FSTL5: variants seen among roughly 807,000 people sequenced by gnomAD.
FSTL5 encodes follistatin-related protein 5.
Under a neutral mutation model 89.1 loss-of-function variants are expected in FSTL5, and 62 were observed. That is an observed-to-expected ratio of 0.70 (90% CI 0.57 to 0.86). FSTL5 has a LOEUF of 0.86. Ranked by LOEUF, FSTL5 falls within the 40% of genes least tolerant of loss-of-function variation. The pLI is 0.00. For synonymous variants in FSTL5, 383 were observed against 346.2 expected, an observed-to-expected ratio of 1.11 and a Z score of -1.18; for missense variants, 1,057 against 1,001.6, an observed-to-expected ratio of 1.06 and a Z score of -0.75.
intron 2 of FSTL5, among the ~76,000 whole-genome samples, chr4:162,050,182 G>A (rs972839109): frequency 1.3e-5 from 2 of 151,614 alleles, no homozygotes; most frequent in African/African-American, 4.8e-5. Flanking sequence ...GAATTGAAAG[G>A]TTTTTTAAAA....
At chr4:161,635,624 G>C (rs1735661065) in intron 7 of FSTL5, among the ~76,000 whole-genome samples, 1 of 152,176 alleles carries the variant, frequency 6.6e-6, no homozygotes, top group South Asian at 2.1e-4. Context: ...ATCCATTCAA[G>C]TTAACTCATT....
intron 4 of FSTL5, among the ~76,000 whole-genome samples, chr4:161,834,818 A>G (rs1426831969): frequency 6.6e-6 from 1 of 152,134 alleles, no homozygotes; most frequent in African/African-American, 2.4e-5. Flanking sequence ...AAACAAATGG[A>G]AGAACATTCC....
intron 2 of FSTL5, 52 bp downstream of exon 2, chr4:162,111,219 C>A: frequency 7.1e-7 from 1 of 1,408,628 alleles, no homozygotes; most frequent in East Asian, 2.5e-5. Context: ...AAACTAATAG[C>A]TTAGTTTATA....
intron 12 of FSTL5, among the ~76,000 whole-genome samples, chr4:161,492,886 AAG>A (rs1729933513): frequency 6.6e-6 from 1 of 152,024 alleles, no homozygotes; most frequent in Non-Finnish European, 1.5e-5. Flanking sequence ...TTAAATACTG[AAG>A]AGTTAATTTT....
intron 4 of FSTL5, among the ~76,000 whole-genome samples, chr4:161,779,789 A>ATATATATGTATATATATATG (rs1741574114): frequency 2.0e-5 from 1 of 51,076 alleles, no homozygotes. Context: ...ATATATATAT[A>ATATATATGTATATATATATG]TATATATATA....
intron 1 of FSTL5, among the ~76,000 whole-genome samples, chr4:162,156,493 A>G (rs781450414): frequency 7.9e-5 from 12 of 152,170 alleles, no homozygotes; most frequent in Non-Finnish European, 1.5e-4. Flanking sequence ...GATTCAACCT[A>G]GGTGTTTATC....
chr4:162,098,270 T>G (rs1490251968), intron 2 of FSTL5, among the ~76,000 whole-genome samples: 1 of 151,804 alleles, frequency 6.6e-6, no homozygotes, highest in Non-Finnish European at 1.5e-5. Flanking sequence ...CAGATAAAAC[T>G]ATATCATGGT....
intron 13 of FSTL5, among the ~76,000 whole-genome samples, chr4:161,472,071 G>A (rs938327756): frequency 6.6e-5 from 10 of 151,604 alleles, no homozygotes; most frequent in African/African-American, 2.4e-4. Context: ...CCACCTCCCG[G>A]GTTCACGCCA....
chr4:161,686,331 TATATATATATATA>T (rs1223524185), intron 6 of FSTL5, among the ~76,000 whole-genome samples: 51 of 8,704 alleles, frequency 5.9e-3, no homozygotes, highest in Middle Eastern at 0.033. Flanking sequence ...TATATATATA[TATATATATATATA>T]TATTTTTTTT....
chr4:162,010,633 T>C (rs1736736723), intron 3 of FSTL5, among the ~76,000 whole-genome samples: 1 of 152,196 alleles, frequency 6.6e-6, no homozygotes, highest in Non-Finnish European at 1.5e-5. Flanking sequence ...TAGTAACCAC[T>C]GTTTAATGTT....
At chr4:161,781,036 C>T (rs1184424067) in intron 4 of FSTL5, among the ~76,000 whole-genome samples, 1 of 151,836 alleles carries the variant, frequency 6.6e-6, no homozygotes, top group African/African-American at 2.4e-5. Flanking sequence ...CTTAGAAACT[C>T]AAAGAATAAA....
intron 4 of FSTL5, among the ~76,000 whole-genome samples, chr4:161,814,439 T>C (rs1730263513): frequency 2.0e-5 from 3 of 152,186 alleles, no homozygotes; most frequent in Admixed American, 2.0e-4. Context: ...TTCATTAACA[T>C]TTCAATGTTT....
chr4:161,824,367 C>A (rs1226341535), intron 4 of FSTL5, among the ~76,000 whole-genome samples: 1 of 152,114 alleles, frequency 6.6e-6, no homozygotes, highest in Non-Finnish European at 1.5e-5. Context: ...TTCCATTGGC[C>A]TATGTGCCTA....
chr4:161,865,797 A>C (rs199667624), intron 4 of FSTL5, among the ~76,000 whole-genome samples: 2 of 151,398 alleles, frequency 1.3e-5, no homozygotes, highest in African/African-American at 4.8e-5. Context: ...CAATAAAAAA[A>C]CTTTAATTTT....
intron 6 of FSTL5, among the ~76,000 whole-genome samples, chr4:161,736,253 T>A (rs1411308815): frequency 1.3e-5 from 2 of 152,202 alleles, no homozygotes; most frequent in East Asian, 3.8e-4. Flanking sequence ...GATAGTTTAC[T>A]GTGTCATCTA....
chr4:161,939,499 TTTC>T (rs958084916), intron 3 of FSTL5, among the ~76,000 whole-genome samples: 12 of 152,014 alleles, frequency 7.9e-5, no homozygotes, highest in African/African-American at 2.7e-4. Context: ...GTTTTAGTGT[TTTC>T]TTCTTGATAA....
At chr4:161,913,885 A>G (rs1433417297) in intron 4 of FSTL5, among the ~76,000 whole-genome samples, 1 of 152,046 alleles carries the variant, frequency 6.6e-6, no homozygotes, top group Non-Finnish European at 1.5e-5. Context: ...CTTGCTTTTG[A>G]TTTTACAGGC....
At chr4:161,617,830 A>G (rs1030185484) in intron 7 of FSTL5, among the ~76,000 whole-genome samples, 3 of 152,220 alleles carry the variant, frequency 2.0e-5, no homozygotes, top group Non-Finnish European at 4.4e-5. Flanking sequence ...ACATGTTTAG[A>G]TAAAACAGAA....
chr4:162,138,656 T>C (rs771645658), intron 1 of FSTL5, among the ~76,000 whole-genome samples: 3 of 152,022 alleles, frequency 2.0e-5, no homozygotes, highest in African/African-American at 7.2e-5. Flanking sequence ...AATAATAAAA[T>C]AAAATCTGTA....
Sources: gnomAD v4.1 joint callset for allele counts (sites outside exome capture counted in the v4.1 genomes callset) on GRCh38, gnomAD v4.1.1 for gene constraint, MANE v1.5 for transcripts, NCBI Gene and HGNC (gene_info 2026-07-23, HGNC 2026-07-21) for gene names.